The following UNC5C variants were observed in gnomAD, a reference collection of about 807,000 sequenced individuals.
UNC5C encodes netrin receptor UNC5C.
UNC5C carries 47 observed loss-of-function variants against 99.8 expected under a neutral mutation model. That is an observed-to-expected ratio of 0.47 (90% CI 0.37 to 0.60). The LOEUF (loss-of-function observed/expected upper bound fraction) is 0.60, where lower values mean the gene tolerates loss of function less well. Ranked by LOEUF, UNC5C falls within the 20% of genes least tolerant of loss-of-function variation. The pLI, the probability that UNC5C is intolerant of heterozygous loss-of-function variation, is 0.00. For missense variants in UNC5C, 1,062 were observed against 1,165.9 expected (o/e 0.91, Z 1.30); for synonymous variants, 487 against 452.2 (o/e 1.08, Z -0.98).
Position 95,202,806 on chromosome 4 carries a change from A to G in UNC5C, c.2061T>C (p.Phe687=). ...CCAGCGAGGAGCAGCACAGGGGCCCAAAGATGGCCAGCTTGAGGCGCTTCG... is the reference window on the plus strand; with the variant it reads ...CCAGCGAGGAGCAGCACAGGGGCCCGAAGATGGCCAGCTTGAGGCGCTTCG... ...AAAKRLKLAI[F]GPLCCSSLEY... is the part of the protein sequence containing the mutation. The change falls in exon 12 of 16, where the codon TTT becomes TTC. Residue 687 remains phenylalanine (F), a synonymous_variant. Coordinates refer to ENST00000453304, the MANE Select transcript of UNC5C (RefSeq NM_003728.4). 6.2e-7 allele frequency: 1 copy of G among 1,614,248 alleles called. No individual in the cohort carries two copies. The highest frequency in any genetic ancestry group is 8.5e-7 in the Non-Finnish European group (1 of 1,180,044).
chr4:95,441,930 G>A (rs547828061), intron 1 of UNC5C, among the ~76,000 whole-genome samples: 8 of 152,252 alleles, frequency 5.3e-5, no homozygotes, highest in East Asian at 3.9e-4. Flanking sequence ...AGATTAACAC[G>A]CTAAGCAGGT....
chr4:95,448,981 G>A (rs1446271017), intron 1 of UNC5C, among the ~76,000 whole-genome samples: 5 of 151,894 alleles, frequency 3.3e-5, no homozygotes, highest in East Asian at 1.9e-4. Flanking sequence ...CCAAGGCTAC[G>A]CCAGGTAAGA....
At chr4:95,177,350 G>T (rs1736406671) in intron 14 of UNC5C, among the ~76,000 whole-genome samples, 1 of 152,196 alleles carries the variant, frequency 6.6e-6, no homozygotes, top group Non-Finnish European at 1.5e-5. Context: ...ATCATGAAGT[G>T]TTTGGTTCCT....
intron 1 of UNC5C, among the ~76,000 whole-genome samples, chr4:95,410,622 G>A (rs1411917954): frequency 6.6e-6 from 1 of 152,166 alleles, no homozygotes; most frequent in African/African-American, 2.4e-5. Context: ...TGTTAGTACT[G>A]GGGGAGAGTG....
At chr4:95,416,215 G>A (rs1351945962) in intron 1 of UNC5C, among the ~76,000 whole-genome samples, 1 of 152,154 alleles carries the variant, frequency 6.6e-6, no homozygotes, top group Non-Finnish European at 1.5e-5. Context: ...GGAAACATCT[G>A]TCAGTATTAC....
At chr4:95,467,959 G>A (rs1198038303) in intron 1 of UNC5C, among the ~76,000 whole-genome samples, 1 of 152,004 alleles carries the variant, frequency 6.6e-6, no homozygotes, top group African/African-American at 2.4e-5. Flanking sequence ...CATCATAAAG[G>A]TCTTCATTCT....
At chr4:95,256,185 C>T (rs1441821631) in intron 4 of UNC5C, among the ~76,000 whole-genome samples, 1 of 152,054 alleles carries the variant, frequency 6.6e-6, no homozygotes, top group East Asian at 1.9e-4. Flanking sequence ...TCCATATTCA[C>T]TTCCTTGGTG....
At chr4:95,375,878 C>T (rs1416727269) in intron 1 of UNC5C, among the ~76,000 whole-genome samples, 1 of 152,012 alleles carries the variant, frequency 6.6e-6, no homozygotes, top group Non-Finnish European at 1.5e-5. Flanking sequence ...GAGATTGAGA[C>T]CATCCTGGCT....
intron 7 of UNC5C, among the ~76,000 whole-genome samples, chr4:95,221,760 CTG>C (rs1738474851): frequency 6.6e-6 from 1 of 152,188 alleles, no homozygotes; most frequent in Admixed American, 6.5e-5. Context: ...CTTCACTTCT[CTG>C]TTGGGTTTTA....
chr4:95,213,884 G>A (rs1434008112), intron 10 of UNC5C, among the ~76,000 whole-genome samples: 2 of 152,182 alleles, frequency 1.3e-5, no homozygotes, highest in African/African-American at 4.8e-5. Flanking sequence ...GCAGAGGTTT[G>A]GTTTGTGCAT....
At chr4:95,227,633 G>A (rs1389334751) in intron 7 of UNC5C, among the ~76,000 whole-genome samples, 1 of 152,192 alleles carries the variant, frequency 6.6e-6, no homozygotes, top group East Asian at 1.9e-4. Flanking sequence ...TTTACTTGAA[G>A]ACCATCTCAT....
chr4:95,391,027 T>C (rs1318361952), intron 1 of UNC5C, among the ~76,000 whole-genome samples: 1 of 152,168 alleles, frequency 6.6e-6, no homozygotes, highest in Non-Finnish European at 1.5e-5. Flanking sequence ...TGTTTTAGGA[T>C]AGTGAATAAG....
At chr4:95,196,195 G>A (rs1737374581) in intron 12 of UNC5C, among the ~76,000 whole-genome samples, 1 of 152,034 alleles carries the variant, frequency 6.6e-6, no homozygotes, top group South Asian at 2.1e-4. Flanking sequence ...TTAATTTCTG[G>A]TCTATTTATA....
rs764008257 is a variant in UNC5C, at chr4:95,548,877, G to A, written c.-20C>T. 4.3e-6 allele frequency: 7 copies of A among 1,611,826 alleles called. No homozygotes were observed. Among genetic ancestry groups the A allele is most frequent in the Non-Finnish European group, 5.9e-6 (7 of 1,179,386 alleles). ...CCTCATCGTAGACAGAGGTGTGCCGGGGGGAGGGGAGGGGGACAGAGAGAC... is the reference window on the plus strand; with the variant it reads ...CCTCATCGTAGACAGAGGTGTGCCGAGGGGAGGGGAGGGGGACAGAGAGAC... On this transcript the variant is annotated 5_prime_UTR_variant, in exon 1 of 16. Transcript: ENST00000453304.
In UNC5C at chr4:95,327,333, G is replaced by C. The variant is rs1742926028; in HGVS notation, c.346+8077C>G. Among the ~76,000 whole-genome samples, 2 of 151,970 alleles carry C rather than the reference G, an allele frequency of 1.3e-5. 1 individual carries two copies. Among genetic ancestry groups the C allele is most frequent in the South Asian group, 4.1e-4 (2 of 4,828 alleles). On this transcript the variant is annotated intron_variant, in intron 2 of 15. Coordinates refer to ENST00000453304, the MANE Select transcript of UNC5C (RefSeq NM_003728.4). ...TCCATATTGGGGATTTATGATAGCA[G>C]GCAAAGAGAGGCAATAAAGTGGTAT...
At chr4:95,340,832 G>T (rs1743542266) in intron 1 of UNC5C, among the ~76,000 whole-genome samples, 1 of 152,022 alleles carries the variant, frequency 6.6e-6, no homozygotes, top group South Asian at 2.1e-4. Flanking sequence ...ATCCTCCTAA[G>T]TGTTTTCCAG....
At chr4:95,276,206 G>A (rs1740854059) in intron 4 of UNC5C, among the ~76,000 whole-genome samples, 1 of 151,724 alleles carries the variant, frequency 6.6e-6, no homozygotes, top group African/African-American at 2.4e-5. Context: ...GATTTTAATA[G>A]TGTTGAAAAG....
At chr4:95,224,698 C>T (rs1051068810) in intron 7 of UNC5C, among the ~76,000 whole-genome samples, 1 of 152,026 alleles carries the variant, frequency 6.6e-6, no homozygotes, top group African/African-American at 2.4e-5. Flanking sequence ...CATGGGGATA[C>T]TTTCCTGTTT....
chr4:95,473,573 T>C (rs1163303799), intron 1 of UNC5C, among the ~76,000 whole-genome samples: 2 of 152,202 alleles, frequency 1.3e-5, no homozygotes, highest in Admixed American at 1.3e-4. Context: ...TTCTTTCATG[T>C]TGTCCTGATA....
Sources: gnomAD v4.1 joint callset for allele counts (sites outside exome capture counted in the v4.1 genomes callset) on GRCh38, gnomAD v4.1.1 for gene constraint, MANE v1.5 for transcripts, NCBI Gene and HGNC (gene_info 2026-07-23, HGNC 2026-07-21) for gene names.